KIF3C: variants seen among roughly 807,000 people sequenced by gnomAD.
KIF3C encodes kinesin-like protein KIF3C.
A neutral mutation model predicts 67.7 loss-of-function variants in KIF3C; 12 were observed. That is an observed-to-expected ratio of 0.18 (90% CI 0.11 to 0.29). The LOEUF (loss-of-function observed/expected upper bound fraction) is 0.29, where lower values mean the gene tolerates loss of function less well. Ranked by LOEUF, KIF3C falls within the 10% of genes least tolerant of loss-of-function variation. KIF3C has a pLI of 1.00. For missense variants in KIF3C, 789 were observed against 1,059.6 expected (o/e 0.74, Z 3.55); for synonymous variants, 393 against 426.2 (o/e 0.92, Z 0.96).
At chr2:25,963,196 A>T (rs373351750) in intron 1 of KIF3C, among the ~76,000 whole-genome samples, 600 of 43,310 alleles carry the variant, frequency 0.014, 42 homozygotes, top group Middle Eastern at 0.062. Context: ...ATATATATAT[A>T]TTTTTTTTTT....
At chr2:25,967,895 G>A (rs1664185162) in intron 1 of KIF3C, among the ~76,000 whole-genome samples, 1 of 152,186 alleles carries the variant, frequency 6.6e-6, no homozygotes, top group African/African-American at 2.4e-5. Flanking sequence ...AGATGTGAAA[G>A]TGTTGGTAAG....
chr2:25,966,993 C>T (rs891039024), intron 1 of KIF3C, among the ~76,000 whole-genome samples: 9 of 152,232 alleles, frequency 5.9e-5, no homozygotes, highest in Non-Finnish European at 1.3e-4. Context: ...TATTTGACCA[C>T]CACCGCCCTA....
chr2:25,945,564 CAAAAAA>C (rs10581291), intron 5 of KIF3C, among the ~76,000 whole-genome samples: 25 of 67,374 alleles, frequency 3.7e-4, no homozygotes, highest in African/African-American at 1.4e-3. Context: ...GAGAATATCT[CAAAAAA>C]AAAAAAAAAA....
Position 25,962,937 on chromosome 2 carries a change from A to AAT in KIF3C, c.1546-6495_1546-6494dup, listed in dbSNP as rs1236296214. Among the ~76,000 whole-genome samples the AAT allele has an allele frequency of 8.0e-3, 264 of 32,888 alleles. 30 individuals are homozygous for AAT. The highest frequency in any genetic ancestry group is 0.061 in the East Asian group (12 of 196). 21.6% of individuals were successfully genotyped at this position (32,888 alleles called of 152,430 possible). ...AATATATATAATATATAATACATAT[A>AAT]ATATATAATATATAATATATAATAT... is the stretch of plus-strand genomic sequence containing the variant. On this transcript the variant is annotated intron_variant, in intron 1 of 7. Coordinates refer to ENST00000264712, the MANE Select transcript of KIF3C (RefSeq NM_002254.8).
At chr2:25,967,208 T>C (rs1159699754) in intron 1 of KIF3C, among the ~76,000 whole-genome samples, 1 of 152,136 alleles carries the variant, frequency 6.6e-6, no homozygotes, top group Admixed American at 6.6e-5. Context: ...GAGAGTCTTA[T>C]GGGGGTCTCT....
Position 25,958,848 on chromosome 2 carries a change from G to A in KIF3C, c.1546-2404C>T, listed in dbSNP as rs1225208126. The stretch of plus-strand genomic sequence containing the variant: ...CCGGCACTTTGGGAGGCCAAGGCAG[G>A]CGGATCACCTGAGGTTGGGAGTTCG... On this transcript the variant is annotated intron_variant, in intron 1 of 7. Transcript: ENST00000264712. The surrounding 1 kb of genome is among the most constrained non-coding windows in gnomAD (Gnocchi z 4.5). 6.6e-6 allele frequency among the ~76,000 whole-genome samples: 1 copy of A among 152,194 alleles called. No homozygotes were observed.
intron 1 of KIF3C, among the ~76,000 whole-genome samples, chr2:25,966,760 A>T (rs1487130546): frequency 1.3e-5 from 2 of 152,204 alleles, no homozygotes; most frequent in Non-Finnish European, 2.9e-5. Flanking sequence ...CTGCCCTGCC[A>T]CTGCCACCTA....
chr2:25,971,219 C>G (rs534901781), intron 1 of KIF3C, among the ~76,000 whole-genome samples: 75 of 148,664 alleles, frequency 5.0e-4, no homozygotes, highest in African/African-American at 1.8e-3. Flanking sequence ...TTGCAGTGAG[C>G]TGAGATCACG....
chr2:25,951,791 GC>G lies in KIF3C; in HGVS notation c.2003del (p.Gly668AlafsTer7). 6.2e-7 allele frequency: 1 copy of G among 1,609,466 alleles called. No individual in the cohort carries two copies. Among genetic ancestry groups the G allele is most frequent in the South Asian group, 1.1e-5 (1 of 90,948 alleles). ...AGACAGCTGGGTTAGAGACTCACAC[GC>G]CGGCTGGCACCAGTGGCTGGAACTT... ...QWKFQPLVPAGVSSSQMKKRP... is the reference protein window; with the variant it reads ...QWKFQPLVPAXVSSSQMKKRP... On this transcript the variant is annotated frameshift_variant, in exon 5 of 8. Transcript: ENST00000264712. LOFTEE classifies it high-confidence loss of function.
At chr2:25,972,488 G>A (rs1450078212) in intron 1 of KIF3C, among the ~76,000 whole-genome samples, 1 of 152,202 alleles carries the variant, frequency 6.6e-6, no homozygotes, top group African/African-American at 2.4e-5. Flanking sequence ...AACACCAAGA[G>A]GTCATGGACT....
chr2:25,944,347 C>CTTTTTTT (rs34983264), intron 5 of KIF3C, among the ~76,000 whole-genome samples: 4 of 134,020 alleles, frequency 3.0e-5, no homozygotes, highest in Non-Finnish European at 4.8e-5. Flanking sequence ...TCATAATTGC[C>CTTTTTTT]TTTTTTTTTT....
intron 4 of KIF3C, among the ~76,000 whole-genome samples, chr2:25,952,526 TGTG>T (rs1663644663): frequency 1.3e-4 from 2 of 15,594 alleles, no homozygotes; most frequent in African/African-American, 9.5e-4. Flanking sequence ...TGTATATATA[TGTG>T]TGTGTGTGTG....
rs1477794190 is a variant in KIF3C at position 25,927,239 on chromosome 2, A to T, written c.*1739T>A. ...ACGTGCTGCTTTGTCCACAAACGAGAAAGAGGTCAGTGGGAGAGGCTGCTC... is the reference window on the plus strand; with the variant it reads ...ACGTGCTGCTTTGTCCACAAACGAGTAAGAGGTCAGTGGGAGAGGCTGCTC... On this transcript the variant is annotated 3_prime_UTR_variant, in exon 8 of 8. Coordinates refer to ENST00000264712, the MANE Select transcript of KIF3C (RefSeq NM_002254.8). 1 of 152,684 alleles carries T rather than the reference A, an allele frequency of 6.5e-6. No homozygotes were observed. The highest frequency in any genetic ancestry group is 2.4e-5 in the African/African-American group (1 of 41,452). The allele number at this position is 152,684 out of a possible 1,614,324, so 9.5% of individuals were successfully genotyped here. A position where few individuals can be genotyped will look rare whatever the true frequency, so the allele number is the denominator to read the frequency against.
rs112543933 is a variant in KIF3C at position 25,938,706 on chromosome 2, T to C, written c.2007-8643A>G. 8.9e-3 allele frequency among the ~76,000 whole-genome samples: 1,360 copies of C among 152,216 alleles called. 11 individuals are homozygous for C. The highest frequency in any genetic ancestry group is 0.012 in the Non-Finnish European group (836 of 68,012). ...TCTGCCCCAGGCCTACTTTCCATGA[T>C]TGATCCTCTGTAGGAAGCAGGTTTT... On this transcript the variant is annotated intron_variant, in intron 5 of 7. Coordinates refer to ENST00000264712, the MANE Select transcript of KIF3C (RefSeq NM_002254.8).
chr2:25,968,728 T>TCTGTCCTTCA (rs961718383), intron 1 of KIF3C, among the ~76,000 whole-genome samples: 1 of 152,154 alleles, frequency 6.6e-6, no homozygotes, highest in Non-Finnish European at 1.5e-5. Context: ...GTCATTCCTC[T>TCTGTCCTTCA]CTGTCCTTCA....
intron 3 of KIF3C, 86 bp from the exon 4 acceptor site, chr2:25,954,471 T>C: frequency 1.0e-6 from 1 of 990,310 alleles, no homozygotes; most frequent in Non-Finnish European, 1.5e-6. Context: ...GGCTGCAGGC[T>C]CAGAGTCTAC....
intron 1 of KIF3C, among the ~76,000 whole-genome samples, chr2:25,979,483 C>A (rs1664507503): frequency 6.6e-6 from 1 of 152,132 alleles, no homozygotes; most frequent in African/African-American, 2.4e-5. Flanking sequence ...CAGGCCAACC[C>A]TCTATTTTAC....
chr2:25,979,547 T>C (rs1204153383), intron 1 of KIF3C, among the ~76,000 whole-genome samples: 2 of 152,138 alleles, frequency 1.3e-5, no homozygotes, highest in Non-Finnish European at 2.9e-5. Context: ...ACAAGGCCAC[T>C]CAATGAGCTG....
intron 1 of KIF3C, among the ~76,000 whole-genome samples, chr2:25,974,693 G>A (rs578242245): frequency 3.3e-5 from 5 of 152,120 alleles, no homozygotes; most frequent in East Asian, 1.9e-4. Context: ...AGGAGACCTC[G>A]ATCTGGGAGT....
Sources: allele counts gnomAD v4.1 joint callset (sites outside exome capture counted in the v4.1 genomes callset), GRCh38; gene constraint gnomAD v4.1.1; non-coding constraint Gnocchi (gnomAD v3.1); transcripts MANE v1.5; gene names NCBI Gene and HGNC (gene_info 2026-07-23, HGNC 2026-07-21).